Variants in BEAN1 observed in about 807,000 individuals in gnomAD.
BEAN1 encodes protein BEAN1.
BEAN1 carries 17 observed loss-of-function variants against 17.7 expected under a neutral mutation model. The observed-to-expected ratio is 0.96, with a 90% CI of 0.66 to 1.44. BEAN1 has a LOEUF of 1.44. Ranked by LOEUF, BEAN1 falls within the 40% of genes most tolerant of loss-of-function variation. BEAN1 has a pLI of 0.00. For synonymous variants in BEAN1, 142 were observed against 151.8 expected (o/e 0.94, Z 0.47); for missense variants, 359 against 374.1 (o/e 0.96, Z 0.33).
chr16:66,462,635 C>T (rs1963127332), intron 2 of BEAN1, among the ~76,000 whole-genome samples: 1 of 152,172 alleles, frequency 6.6e-6, no homozygotes, highest in South Asian at 2.1e-4. Flanking sequence ...AGCCCTGTCT[C>T]TGCTAAAAAT....
intron 3 of BEAN1, among the ~76,000 whole-genome samples, chr16:66,474,620 G>GGGAA (rs1963650286): frequency 2.7e-5 from 1 of 36,552 alleles, no homozygotes; most frequent in Non-Finnish European, 6.7e-5. Flanking sequence ...GAGGGAGGAA[G>GGGAA]GGAGGGAGGG....
At chr16:66,453,895 G>A (rs1203923924) in intron 2 of BEAN1, among the ~76,000 whole-genome samples, 1 of 151,958 alleles carries the variant, frequency 6.6e-6, no homozygotes, top group African/African-American at 2.4e-5. Flanking sequence ...CACCACACCT[G>A]GCTAATTTTT....
intron 2 of BEAN1, among the ~76,000 whole-genome samples, chr16:66,443,530 G>A (rs575013647): frequency 2.0e-4 from 30 of 152,190 alleles, no homozygotes; most frequent in Non-Finnish European, 3.4e-4. Context: ...GCCACAGCAG[G>A]GGTGAGGAAT....
At chr16:66,433,513 C>G (rs920020620) in intron 1 of BEAN1, among the ~76,000 whole-genome samples, 3 of 152,196 alleles carry the variant, frequency 2.0e-5, no homozygotes, top group Non-Finnish European at 2.9e-5. Context: ...GCCACGGCCT[C>G]CCAAGCTCCC....
rs1462038671 is a variant in BEAN1, at chr16:66,488,703, C to CA, written c.148-4253dup. On this transcript the variant is annotated intron_variant, in intron 4 of 4. Transcript: ENST00000561796. Reference sequence around the variant, plus strand: ...CAGGGTGAGATCATATCTCAAAAAACAAAAAACAAAAACAAACAAACAGAA... The same window carrying CA: ...CAGGGTGAGATCATATCTCAAAAAACAAAAAAACAAAAACAAACAAACAGAA... Among the ~76,000 whole-genome samples, 6 of 149,344 alleles carry CA rather than the reference C, an allele frequency of 4.0e-5. No individual in the cohort carries two copies. The East Asian group carries it at 1.0e-3, about 25-fold the overall frequency.
At chr16:66,469,168 C>T (rs999113253) in intron 2 of BEAN1, among the ~76,000 whole-genome samples, 2 of 152,248 alleles carry the variant, frequency 1.3e-5, no homozygotes, top group South Asian at 4.1e-4. Context: ...GTTACTCATA[C>T]TCTGTCCCCC....
chr16:66,487,629 C>T (rs977695157), downstream of BEAN1, among the ~76,000 whole-genome samples: 4 of 152,114 alleles, frequency 2.6e-5, no homozygotes, highest in Non-Finnish European at 4.4e-5. Flanking sequence ...AGGCTCAGCC[C>T]GCCAGAGACC....
chr16:66,492,840 C>G (rs935510166), intron 4 of BEAN1: 2 of 609,510 alleles, frequency 3.3e-6, no homozygotes, highest in Non-Finnish European at 5.8e-6. Flanking sequence ...CCCTCATCCA[C>G]GTGCTTCTCA....
chr16:66,491,647 G>A (rs1964177352), intron 4 of BEAN1, among the ~76,000 whole-genome samples: 1 of 152,132 alleles, frequency 6.6e-6, no homozygotes, highest in African/African-American at 2.4e-5. Context: ...CAGACAGGGT[G>A]GAGGGATGGG....
At chr16:66,488,325 G>T (rs1482625947) in intron 4 of BEAN1, among the ~76,000 whole-genome samples, 1 of 152,042 alleles carries the variant, frequency 6.6e-6, no homozygotes, top group Non-Finnish European at 1.5e-5. Context: ...GAACAAAACT[G>T]CCTGGGGTCG....
rs897922987 is a variant in BEAN1, at chr16:66,437,871, G to T, written c.25+170G>T. 1.9e-5 allele frequency: 16 copies of T among 841,206 alleles called. No individual in the cohort carries two copies. In the Admixed American group the frequency reaches 3.1e-4, roughly 16 times the overall value. 52.1% of individuals were successfully genotyped at this position (841,206 alleles called of 1,614,324 possible). A position where few individuals can be genotyped will look rare whatever the true frequency, so the allele number is the denominator to read the frequency against. ...GAGGGCAACACGGAAGACCCCTGAC[G>T]TCTGCAAGATGCTCCCTGAGAACTG... On this transcript the variant is annotated intron_variant, in intron 2 of 4. Coordinates refer to ENST00000536005, the MANE Select transcript of BEAN1 (RefSeq NM_001178020.3).
At chr16:66,431,495 T>C (rs981986061) in intron 1 of BEAN1, among the ~76,000 whole-genome samples, 4 of 152,236 alleles carry the variant, frequency 2.6e-5, no homozygotes, top group Non-Finnish European at 5.9e-5. Context: ...AAAATCCTCC[T>C]TAATCCCACC....
At chr16:66,433,990 C>T (rs1420283466) in intron 1 of BEAN1, among the ~76,000 whole-genome samples, 1 of 152,188 alleles carries the variant, frequency 6.6e-6, no homozygotes, top group Non-Finnish European at 1.5e-5. Flanking sequence ...ATTCCCGGAG[C>T]GGGGACATGA....
intron 1 of BEAN1, among the ~76,000 whole-genome samples, chr16:66,431,640 T>C (rs1424424435): frequency 6.6e-6 from 1 of 151,922 alleles, no homozygotes; most frequent in Non-Finnish European, 1.5e-5. Context: ...GATCACGGTA[T>C]ATGGTATATG....
Position 66,437,638 on chromosome 16 carries a change from G to C in BEAN1, c.-39G>C. ...CCTGCGAGAAGTCAGAGCTGTGCCCGTGGGCAGGCTGGCTCCGCTGTTCTG... is the reference window on the plus strand; with the variant it reads ...CCTGCGAGAAGTCAGAGCTGTGCCCCTGGGCAGGCTGGCTCCGCTGTTCTG... On this transcript the variant is annotated 5_prime_UTR_variant, in exon 2 of 5. Transcript: ENST00000536005. 1 of 1,533,860 alleles carries C rather than the reference G, an allele frequency of 6.5e-7. No individual in the cohort carries two copies. Among genetic ancestry groups the C allele is most frequent in the Non-Finnish European group, 8.7e-7 (1 of 1,145,140 alleles).
At chr16:66,441,808 C>A (rs1962269233) in intron 2 of BEAN1, among the ~76,000 whole-genome samples, 1 of 152,170 alleles carries the variant, frequency 6.6e-6, no homozygotes. Flanking sequence ...GCTTGTCCAT[C>A]AGCCCCTCAG....
At chr16:66,452,237 A>G (rs1010671170) in intron 2 of BEAN1, among the ~76,000 whole-genome samples, 2 of 152,218 alleles carry the variant, frequency 1.3e-5, no homozygotes, top group Non-Finnish European at 2.9e-5. Context: ...GTAACATACT[A>G]TGCTAATAGA....
intron 2 of BEAN1, among the ~76,000 whole-genome samples, chr16:66,462,687 G>A (rs7204183): frequency 3.3e-5 from 5 of 151,968 alleles, no homozygotes; most frequent in Non-Finnish European, 7.4e-5. Context: ...TATAATCCCA[G>A]CTACTTGGGA....
chr16:66,478,003 G>A (rs527476707), intron 4 of BEAN1: 3 of 269,246 alleles, frequency 1.1e-5, no homozygotes, highest in South Asian at 9.3e-5. Flanking sequence ...GGGAGGTTCC[G>A]TGGCAGCTGT....
Sources: gnomAD v4.1 joint callset for allele counts (sites outside exome capture counted in the v4.1 genomes callset) on GRCh38, gnomAD v4.1.1 for gene constraint, MANE v1.5 for transcripts, NCBI Gene and HGNC (gene_info 2026-07-23, HGNC 2026-07-21) for gene names.